NRXN3: variants seen among roughly 807,000 people sequenced by gnomAD.
NRXN3 encodes neurexin 3, also known as neurexin III.
A neutral mutation model predicts 137.6 loss-of-function variants in NRXN3; 32 were observed. The observed-to-expected ratio is 0.23, with a 90% CI of 0.18 to 0.31. The LOEUF (loss-of-function observed/expected upper bound fraction) is 0.31, where lower values mean the gene tolerates loss of function less well. Among genes scored for constraint, NRXN3 ranks in the 10% least tolerant of loss-of-function variants. NRXN3 has a pLI of 1.00. For synonymous variants in NRXN3, 798 were observed against 784.5 expected, an observed-to-expected ratio of 1.02 and a Z score of -0.29; for missense variants, 1,574 against 2,062.5, an observed-to-expected ratio of 0.76 and a Z score of 4.59.
chr14:78,369,930 TAAAAAAA>T (rs57610008), intron 4 of NRXN3, among the ~76,000 whole-genome samples: 1 of 140,428 alleles, frequency 7.1e-6, no homozygotes, highest in Non-Finnish European at 1.5e-5. Flanking sequence ...TTAGCCTGGT[TAAAAAAA>T]AAAAAAAAAA....
At chr14:78,712,764 T>A in intron 7 of NRXN3, among the ~76,000 whole-genome samples, 1 of 152,166 alleles carries the variant, frequency 6.6e-6, no homozygotes, top group East Asian at 1.9e-4. Context: ...GGTTTCACCA[T>A]GTTGGCCAGG....
intron 15 of NRXN3, among the ~76,000 whole-genome samples, chr14:79,392,688 A>G (rs1463440416): frequency 1.3e-5 from 2 of 152,002 alleles, no homozygotes; most frequent in African/African-American, 2.4e-5. Flanking sequence ...AAGTCAGGAA[A>G]TGGCCAGGTG....
intron 20 of NRXN3, among the ~76,000 whole-genome samples, chr14:79,827,120 G>T (rs1332655751): frequency 6.6e-6 from 1 of 152,182 alleles, no homozygotes; most frequent in East Asian, 1.9e-4. Flanking sequence ...TGTGGGCCTA[G>T]TGGGGGACAC....
At chr14:79,509,127 G>A (rs1436508580) in intron 16 of NRXN3, among the ~76,000 whole-genome samples, 10 of 152,248 alleles carry the variant, frequency 6.6e-5, no homozygotes, top group East Asian at 1.9e-4. Context: ...CCTGGGAGGC[G>A]GAGTTGGAGT....
At chr14:78,841,478 C>T (rs1182325326) in intron 10 of NRXN3, among the ~76,000 whole-genome samples, 3 of 151,980 alleles carry the variant, frequency 2.0e-5, no homozygotes, top group African/African-American at 7.2e-5. Flanking sequence ...TGTGACTATG[C>T]CCACTGTCTG....
intron 19 of NRXN3, among the ~76,000 whole-genome samples, chr14:79,751,087 G>GT (rs2098995949): frequency 6.6e-6 from 1 of 152,114 alleles, no homozygotes; most frequent in Admixed American, 6.5e-5. Flanking sequence ...CTTTAAAGTA[G>GT]TTTTTTCCAA....
At position 79,094,129 on chromosome 14, in the gene NRXN3, C is replaced by A. The variant is rs183987324; in HGVS notation, c.3262+105988C>A. ...AGGACAGAGAAAATAGATGAACAGC[C>A]CAGCTTGGACTGCTCTGATCTCTGC... is the stretch of plus-strand genomic sequence containing the variant. On this transcript the variant is annotated intron_variant, in intron 15 of 20. Transcript: ENST00000335750. Among the ~76,000 whole-genome samples the A allele has an allele frequency of 3.7e-3, 564 of 152,096 alleles. 2 individuals carry two copies. Among genetic ancestry groups the A allele is most frequent in the Middle Eastern group, 0.02 (6 of 294 alleles).
chr14:79,485,797 G>T (rs1221568197), intron 16 of NRXN3, among the ~76,000 whole-genome samples: 1 of 152,054 alleles, frequency 6.6e-6, no homozygotes. Context: ...AAAGCTAACG[G>T]GGCACTGTCA....
At position 79,867,406 on chromosome 14, in the gene NRXN3, G is replaced by A. The variant is rs2099418488; in HGVS notation, c.*5442G>A. 1 of 152,210 alleles carries A rather than the reference G, an allele frequency of 6.6e-6. No individual in the cohort carries two copies. The highest frequency in any genetic ancestry group is 1.5e-5 in the Non-Finnish European group (1 of 68,052). 9.4% of individuals were successfully genotyped at this position (152,210 alleles called of 1,614,324 possible). ...TTTGTTAGGGCTCAGTTTCTGGGAA[G>A]GGCTCTCTTCCTGGCTTGTAGATAA... is the stretch of plus-strand genomic sequence containing the variant. On this transcript the variant is annotated 3_prime_UTR_variant, in exon 21 of 21. Transcript: ENST00000335750.
intron 8 of NRXN3, among the ~76,000 whole-genome samples, chr14:78,766,586 C>T (rs2098709907): frequency 6.6e-6 from 1 of 152,230 alleles, no homozygotes; most frequent in Non-Finnish European, 1.5e-5. Flanking sequence ...ACTTCTTGAA[C>T]TCCCATATTT....
chr14:79,354,591 T>C (rs1257707996), intron 15 of NRXN3, among the ~76,000 whole-genome samples: 2 of 152,112 alleles, frequency 1.3e-5, no homozygotes, highest in African/African-American at 2.4e-5. Flanking sequence ...CCTGTCTTTG[T>C]CTCCCAGTGC....
At chr14:79,752,414 C>T (rs1026627064) in intron 19 of NRXN3, among the ~76,000 whole-genome samples, 2 of 152,078 alleles carry the variant, frequency 1.3e-5, no homozygotes, top group African/African-American at 2.4e-5. Context: ...AATAACGCTG[C>T]ATATCTACAA....
chr14:78,973,606 T>C (rs931188702), intron 14 of NRXN3, among the ~76,000 whole-genome samples: 1 of 152,330 alleles, frequency 6.6e-6, no homozygotes, highest in African/African-American at 2.4e-5. Context: ...CTGAATACCC[T>C]ATAAAATACC....
At chr14:78,746,810 C>T (rs2098609749) in intron 8 of NRXN3, among the ~76,000 whole-genome samples, 3 of 152,212 alleles carry the variant, frequency 2.0e-5, no homozygotes, top group Non-Finnish European at 4.4e-5. Context: ...AATGGAAGAA[C>T]ACATTCTCCA....
At chr14:78,959,427 A>T (rs2099403726) in intron 11 of NRXN3, among the ~76,000 whole-genome samples, 1 of 152,212 alleles carries the variant, frequency 6.6e-6, no homozygotes, top group African/African-American at 2.4e-5. Flanking sequence ...ATCATAAGAA[A>T]ATAATTTATC....
chr14:79,264,166 G>A (rs1336286528), intron 15 of NRXN3, among the ~76,000 whole-genome samples: 1 of 152,062 alleles, frequency 6.6e-6, no homozygotes, highest in African/African-American at 2.4e-5. Flanking sequence ...ATGGCTCACT[G>A]CAACTTCCGC....
intron 15 of NRXN3, among the ~76,000 whole-genome samples, chr14:79,180,685 A>T (rs2062829292): frequency 6.6e-6 from 1 of 152,176 alleles, no homozygotes; most frequent in African/African-American, 2.4e-5. Context: ...CTCACAGCAG[A>T]TATCATAAGG....
intron 1 of NRXN3, among the ~76,000 whole-genome samples, chr14:78,181,833 C>G (rs1392942641): frequency 1.3e-5 from 2 of 152,130 alleles, no homozygotes; most frequent in Non-Finnish European, 2.9e-5. Context: ...CCTGGGTGAT[C>G]ACTGTGCCAA....
intron 4 of NRXN3, among the ~76,000 whole-genome samples, chr14:78,436,661 T>A (rs2094076710): frequency 6.6e-6 from 1 of 152,236 alleles, no homozygotes; most frequent in African/African-American, 2.4e-5. Context: ...CATTTTAATT[T>A]TGATTTATTA....
Sources: gnomAD v4.1 joint callset for allele counts (sites outside exome capture counted in the v4.1 genomes callset) on GRCh38, gnomAD v4.1.1 for gene constraint, MANE v1.5 for transcripts, NCBI Gene and HGNC (gene_info 2026-07-23, HGNC 2026-07-21) for gene names.